Variants in CWH43 observed in about 807,000 individuals in gnomAD.
CWH43 encodes the protein PGAP2-interacting protein.
In CWH43, 91 loss-of-function variants were observed where a neutral mutation model predicts 85.7. The observed-to-expected ratio is 1.06, with a 90% confidence interval of 0.90 to 1.26. The LOEUF (loss-of-function observed/expected upper bound fraction) is 1.26. Among genes scored for constraint, CWH43 ranks in the 50% most tolerant of loss-of-function variants. The pLI is 0.00. For synonymous variants in CWH43, 323 were observed against 293.6 expected (o/e 1.10, Z -1.02); for missense variants, 869 against 839.2 (o/e 1.04, Z -0.44).
At position 48,992,150 on chromosome 4, in the gene CWH43, G is replaced by T; in HGVS notation, c.511+60G>T. 2.2e-6 allele frequency: 3 copies of T among 1,358,456 alleles called. No homozygotes were observed. Among genetic ancestry groups the T allele is most frequent in the Non-Finnish European group, 2.0e-6 (2 of 975,780 alleles). The allele number at this position is 1,358,456 out of a possible 1,614,324, so 84.2% of individuals were successfully genotyped here. On this transcript the variant is annotated intron_variant, in intron 4 of 15. Transcript: ENST00000226432. The surrounding 1 kb of genome is among the most constrained non-coding windows in gnomAD (Gnocchi z 4.3). The stretch of plus-strand genomic sequence containing the variant: ...AGCTTACCTTTCCTATGTGAATGTT[G>T]CACATCTTGGAAAGAAAATCTATAA...
intron 1 of CWH43, among the ~76,000 whole-genome samples, chr4:48,987,816 A>G (rs972709506): frequency 6.6e-6 from 1 of 152,094 alleles, no homozygotes; most frequent in Middle Eastern, 3.2e-3. Flanking sequence ...AAAATGGTCT[A>G]CTCAAGGGAA....
At chr4:49,002,725 C>T (rs1244695722) in intron 6 of CWH43, among the ~76,000 whole-genome samples, 1 of 152,150 alleles carries the variant, frequency 6.6e-6, no homozygotes, top group Non-Finnish European at 1.5e-5. Flanking sequence ...TTCTCATGCT[C>T]ATCTGAGAGA....
chr4:48,988,327 C>CGCCG lies in CWH43; in HGVS notation c.44-150_44-149insGCCG. 9 of 448,276 alleles carry CGCCG rather than the reference C, an allele frequency of 2.0e-5. No individual in the cohort carries two copies. The South Asian group carries it at 4.1e-4, about 21-fold the overall frequency. 27.8% of individuals were successfully genotyped at this position (448,276 alleles called of 1,614,324 possible). On this transcript the variant is annotated intron_variant, in intron 1 of 15. Coordinates refer to ENST00000226432, the MANE Select transcript of CWH43 (RefSeq NM_025087.3). ...ACAGGTGTAGAGCTCTTGTTTTGTT[C>CGCCG]CATGTCAGTGGAGACAACTGGAACC...
chr4:49,016,177 G>A (rs926606741), intron 8 of CWH43, among the ~76,000 whole-genome samples: 7 of 151,986 alleles, frequency 4.6e-5, no homozygotes, highest in Admixed American at 2.0e-4. Flanking sequence ...AAAATTAACC[G>A]AAGAACTACA....
At position 49,036,427 on chromosome 4, in the gene CWH43, C is replaced by A. The variant is rs545467391; in HGVS notation, c.1659-1609C>A. 2.6e-5 allele frequency among the ~76,000 whole-genome samples: 4 copies of A among 152,280 alleles called. 1 individual carries two copies. In the South Asian group the frequency reaches 8.3e-4, roughly 32 times the overall value. On this transcript the variant is annotated intron_variant, in intron 12 of 15. Coordinates refer to ENST00000226432, the MANE Select transcript of CWH43 (RefSeq NM_025087.3). ...AGTAGCAAAGGGGTTTAACAAATGGCCGTCCTTTTCACTCTTTTATTTCTT... is the reference window on the plus strand; with the variant it reads ...AGTAGCAAAGGGGTTTAACAAATGGACGTCCTTTTCACTCTTTTATTTCTT...
chr4:49,017,019 G>A (rs1254313607), intron 8 of CWH43: 1 of 765,566 alleles, frequency 1.3e-6, no homozygotes, highest in Non-Finnish European at 2.4e-6. Context: ...GTCGATATAG[G>A]CAGTTGGGGG....
chr4:49,048,668 G>A (rs1388401358), intron 14 of CWH43, among the ~76,000 whole-genome samples: 2 of 152,024 alleles, frequency 1.3e-5, no homozygotes, highest in East Asian at 3.9e-4. Context: ...GCTCTCTGGT[G>A]TCTCTTCTTA....
At chr4:49,050,116 A>C (rs1784748323) in intron 14 of CWH43, among the ~76,000 whole-genome samples, 1 of 152,208 alleles carries the variant, frequency 6.6e-6, no homozygotes, top group African/African-American at 2.4e-5. Flanking sequence ...CAATGTAATA[A>C]AATAAAATGA....
intron 5 of CWH43, among the ~76,000 whole-genome samples, chr4:48,997,897 T>G (rs1782863475): frequency 6.6e-6 from 1 of 152,216 alleles, no homozygotes; most frequent in Non-Finnish European, 1.5e-5. Context: ...ATATTCTAGC[T>G]ATTATTGTTT....
At chr4:49,039,009 G>A (rs1183255309) in intron 13 of CWH43, among the ~76,000 whole-genome samples, 1 of 151,104 alleles carries the variant, frequency 6.6e-6, no homozygotes, top group Non-Finnish European at 1.5e-5. Context: ...AGTGAGCTGA[G>A]ATCGCACCAC....
chr4:48,991,507 G>A lies in CWH43; in HGVS notation c.289G>A (p.Ala97Thr), dbSNP rs1782653479. The change falls in exon 3 of 16, where the codon GCG (alanine) becomes ACG (threonine). Residue 97 changes from alanine (A) to threonine (T), a missense_variant. Ala to Thr is a moderately conservative substitution (Grantham distance 58). This residue lies in a region of CWH43 where 140 missense variants were observed against 122.6 expected (regional missense o/e 1.14). Transcript: ENST00000226432. The stretch of plus-strand genomic sequence containing the variant: ...TGCCAAACTTCGACTGATGGTTCTT[G>A]CGCTTGGGGTGTCTTCCTCACTGAT... ...PNAKLRLMVLALGVSSSLIVQ... is the reference protein window; with the variant it reads ...PNAKLRLMVLTLGVSSSLIVQ... 1 of 1,614,048 alleles carries A rather than the reference G, an allele frequency of 6.2e-7. No homozygotes were observed. Among genetic ancestry groups the A allele is most frequent in the Admixed American group, 1.7e-5 (1 of 60,004 alleles).
chr4:48,986,365 C>T lies in CWH43; in HGVS notation c.-65C>T, dbSNP rs2109732812. The T allele has an allele frequency of 6.8e-7, 1 of 1,470,118 alleles. No homozygotes were observed. The highest frequency in any genetic ancestry group is 1.4e-5 in the African/African-American group (1 of 70,138). The allele number at this position is 1,470,118 out of a possible 1,614,324, so 91.1% of individuals were successfully genotyped here. The stretch of plus-strand genomic sequence containing the variant: ...ACGCGGCGGCGGGAACCTGGGGGCG[C>T]AGGGCTAGGGCAGCGGGCCCGACCC... On this transcript the variant is annotated 5_prime_UTR_variant, in exon 1 of 16. Coordinates refer to ENST00000226432, the MANE Select transcript of CWH43 (RefSeq NM_025087.3).
At position 49,017,245 on chromosome 4, in the gene CWH43, T is replaced by C. The variant is rs374650793; in HGVS notation, c.1187-4T>C. 3 of 1,606,344 alleles carry C rather than the reference T, an allele frequency of 1.9e-6. No individual in the cohort carries two copies. The highest frequency in any genetic ancestry group is 2.7e-5 in the African/African-American group (2 of 74,472). The stretch of plus-strand genomic sequence containing the variant: ...AAACCCAATTATTTCTTTTTTCTGT[T>C]TAGTTCTGTGGCTGCTTGTTGGTGT... On this transcript the variant is annotated splice_region_variant and splice_polypyrimidine_tract_variant and intron_variant, in intron 8 of 15. Coordinates refer to ENST00000226432, the MANE Select transcript of CWH43 (RefSeq NM_025087.3).
chr4:49,048,590 C>T (rs369314363), intron 14 of CWH43, among the ~76,000 whole-genome samples: 18 of 151,852 alleles, frequency 1.2e-4, no homozygotes, highest in Admixed American at 3.9e-4. Flanking sequence ...CTTGGGTTGC[C>T]GATAACTGCC....
chr4:48,995,654 C>G (rs1198765493), intron 5 of CWH43, among the ~76,000 whole-genome samples: 1 of 152,164 alleles, frequency 6.6e-6, no homozygotes, highest in South Asian at 2.1e-4. Context: ...TGTTCTTCTT[C>G]CCCCATTCCC....
chr4:49,039,906 C>G (rs1784403300), intron 13 of CWH43, among the ~76,000 whole-genome samples: 1 of 151,964 alleles, frequency 6.6e-6, no homozygotes, highest in Non-Finnish European at 1.5e-5. Context: ...TCCCCACACC[C>G]CACAACAGTC....
At chr4:49,018,361 C>T (rs1783628307) in intron 9 of CWH43, among the ~76,000 whole-genome samples, 1 of 152,098 alleles carries the variant, frequency 6.6e-6, no homozygotes, top group African/African-American at 2.4e-5. Context: ...TTGGTAGGGA[C>T]ACAGATTCAA....
intron 8 of CWH43, among the ~76,000 whole-genome samples, chr4:49,015,511 A>T (rs562815049): frequency 6.6e-6 from 1 of 152,208 alleles, no homozygotes; most frequent in Non-Finnish European, 1.5e-5. Flanking sequence ...TCACTGTGAT[A>T]TATCTGGATG....
At chr4:49,058,011 T>C (rs1785020691) in intron 15 of CWH43, among the ~76,000 whole-genome samples, 2 of 152,072 alleles carry the variant, frequency 1.3e-5, no homozygotes, top group South Asian at 4.2e-4. Context: ...CTAAAGTGAG[T>C]TTTTTTTATA....
Sources: allele counts gnomAD v4.1 joint callset (sites outside exome capture counted in the v4.1 genomes callset), GRCh38; gene constraint gnomAD v4.1.1; regional missense constraint gnomAD v4.1.1; non-coding constraint Gnocchi (gnomAD v3.1); transcripts MANE v1.5; gene names NCBI Gene and HGNC (gene_info 2026-07-23, HGNC 2026-07-21).